Variants in CSMD1 observed in about 807,000 individuals in gnomAD.
The protein encoded by CSMD1 is CUB and Sushi multiple domains 1.
Under a neutral mutation model 417.5 loss-of-function variants are expected in CSMD1, and 213 were observed. The observed-to-expected ratio is 0.51, with a 90% CI of 0.46 to 0.57. CSMD1 has a LOEUF of 0.57. Among genes scored for constraint, CSMD1 ranks in the 20% least tolerant of loss-of-function variants. CSMD1 has a pLI of 0.00. For synonymous variants in CSMD1, 2,862 were observed against 1,736.8 expected, an observed-to-expected ratio of 1.65 and a Z score of -16.11; for missense variants, 6,923 against 4,529.7, an observed-to-expected ratio of 1.53 and a Z score of -15.17.
chr8:4,390,272 A>G (rs1370700719), intron 3 of CSMD1, among the ~76,000 whole-genome samples: 1 of 152,100 alleles, frequency 6.6e-6, no homozygotes, highest in African/African-American at 2.4e-5. Context: ...TACTTTTTTA[A>G]AACTGTCACG....
chr8:4,923,970 C>T (rs949657214), intron 1 of CSMD1, among the ~76,000 whole-genome samples: 10 of 152,166 alleles, frequency 6.6e-5, no homozygotes, highest in Admixed American at 3.9e-4. Flanking sequence ...GCATCTGAAT[C>T]ATCCTTTGAT....
At chr8:3,713,734 A>G (rs1401671490) in intron 6 of CSMD1, among the ~76,000 whole-genome samples, 1 of 152,228 alleles carries the variant, frequency 6.6e-6, no homozygotes, top group Non-Finnish European at 1.5e-5. Context: ...AACGTACTCA[A>G]TATGAGGAGA....
chr8:4,815,467 G>T (rs1203061537), intron 1 of CSMD1, among the ~76,000 whole-genome samples: 1 of 151,832 alleles, frequency 6.6e-6, no homozygotes, highest in South Asian at 2.1e-4. Context: ...AGGCTGAGGT[G>T]GGAGCATCAC....
At chr8:3,575,091 A>G (rs1185571084) in intron 9 of CSMD1, 25 bp from the exon 10 acceptor site, 24 of 1,607,782 alleles carry the variant, frequency 1.5e-5, no homozygotes, top group Non-Finnish European at 2.0e-5. Context: ...AAACGACGTT[A>G]TTTTCTACAA....
chr8:3,638,772 G>C (rs925067747), intron 7 of CSMD1, among the ~76,000 whole-genome samples: 3 of 152,104 alleles, frequency 2.0e-5, no homozygotes, highest in Non-Finnish European at 2.9e-5. Flanking sequence ...CATACCAAGA[G>C]AGAAACCAGC....
chr8:4,324,272 C>T (rs1799428350), intron 3 of CSMD1, among the ~76,000 whole-genome samples: 1 of 152,204 alleles, frequency 6.6e-6, no homozygotes, highest in African/African-American at 2.4e-5. Context: ...ACCTTTTCCT[C>T]TTCCTCATCA....
At chr8:3,529,278 T>C (rs538365115) in intron 10 of CSMD1, among the ~76,000 whole-genome samples, 40 of 152,358 alleles carry the variant, frequency 2.6e-4, no homozygotes, top group African/African-American at 8.4e-4. Flanking sequence ...CATGATTTTT[T>C]TGCATTAATT....
chr8:4,674,352 T>C (rs924433114), intron 1 of CSMD1, among the ~76,000 whole-genome samples: 2 of 151,376 alleles, frequency 1.3e-5, no homozygotes, highest in African/African-American at 2.4e-5. Flanking sequence ...CAAGTGGAAA[T>C]AGATAGGTTG....
At chr8:4,861,703 A>C (rs1563615137) in intron 1 of CSMD1, among the ~76,000 whole-genome samples, 1 of 152,092 alleles carries the variant, frequency 6.6e-6, no homozygotes, top group Non-Finnish European at 1.5e-5. Context: ...AAAATAGGTT[A>C]ATTTGCTTTA....
chr8:3,087,320 A>T, intron 48 of CSMD1, 35 bp from the exon 49 acceptor site: 1 of 1,601,726 alleles, frequency 6.2e-7, no homozygotes. Flanking sequence ...AAATAAGTCA[A>T]CAAGCAAACA....
intron 5 of CSMD1, among the ~76,000 whole-genome samples, chr8:3,930,647 C>G (rs1048010215): frequency 6.7e-6 from 1 of 150,276 alleles, no homozygotes; most frequent in Middle Eastern, 3.4e-3. Flanking sequence ...GACCCTGTCT[C>G]CTTTGTTCGG....
At chr8:3,267,714 A>C (rs926491500) in intron 26 of CSMD1, among the ~76,000 whole-genome samples, 5 of 152,168 alleles carry the variant, frequency 3.3e-5, no homozygotes, top group African/African-American at 1.2e-4. Flanking sequence ...CTGACATCTG[A>C]TGTTTTGGGT....
chr8:3,689,310 T>G (rs977207651), intron 7 of CSMD1, among the ~76,000 whole-genome samples: 11 of 152,138 alleles, frequency 7.2e-5, no homozygotes, highest in Admixed American at 6.6e-4. Context: ...GACTAAGCCA[T>G]CTCCAGATGA....
chr8:3,361,651 C>CAA (rs765648287), intron 20 of CSMD1, among the ~76,000 whole-genome samples: 2,754 of 78,854 alleles, frequency 0.035, 183 homozygotes, highest in East Asian at 0.12. Context: ...GATTCCATCT[C>CAA]AAAAAAAAAA....
intron 4 of CSMD1, among the ~76,000 whole-genome samples, chr8:4,011,633 A>G (rs575551950): frequency 6.6e-6 from 1 of 152,248 alleles, no homozygotes; most frequent in African/African-American, 2.4e-5. Flanking sequence ...CCATTTCCTC[A>G]TCCTTGAATT....
At chr8:4,443,454 T>C (rs1798600691) in intron 2 of CSMD1, among the ~76,000 whole-genome samples, 1 of 152,224 alleles carries the variant, frequency 6.6e-6, no homozygotes, top group African/African-American at 2.4e-5. Context: ...AATTGTATGA[T>C]GCAATCAAGA....
intron 23 of CSMD1, among the ~76,000 whole-genome samples, chr8:3,310,110 T>G (rs764306484): frequency 2.6e-5 from 4 of 152,110 alleles, no homozygotes; most frequent in Admixed American, 6.5e-5. Context: ...AAAGGGGAGG[T>G]AGAAATTAGG....
intron 20 of CSMD1, among the ~76,000 whole-genome samples, chr8:3,361,817 C>T (rs1809201961): frequency 6.6e-6 from 1 of 152,028 alleles, no homozygotes. Context: ...ATACAATATC[C>T]TCTGAAAGCA....
At chr8:3,700,129 G>T (rs980189331) in intron 7 of CSMD1, among the ~76,000 whole-genome samples, 11 of 152,136 alleles carry the variant, frequency 7.2e-5, no homozygotes, top group African/African-American at 2.4e-4. Flanking sequence ...TGGGGCGAGG[G>T]ATAAAAGACA....
Sources: gnomAD v4.1 joint callset for allele counts (sites outside exome capture counted in the v4.1 genomes callset) on GRCh38, gnomAD v4.1.1 for gene constraint, MANE v1.5 for transcripts, NCBI Gene and HGNC (gene_info 2026-07-23, HGNC 2026-07-21) for gene names.